Variants in MALRD1 observed in about 807,000 individuals in gnomAD.
The protein encoded by MALRD1 is MAM and LDL-receptor class A domain-containing protein 1.
In MALRD1, 247 loss-of-function variants were observed where a neutral mutation model predicts 242.1. The observed-to-expected ratio is 1.02, with a 90% CI of 0.92 to 1.13. The LOEUF is 1.13. Among genes scored for constraint, MALRD1 ranks in the 50% most tolerant of loss-of-function variants. The pLI is 0.00. For synonymous variants in MALRD1, 995 were observed against 866.6 expected (o/e 1.15, Z -2.60); for missense variants, 2,989 against 2,533.1 (o/e 1.18, Z -3.86).
At chr10:19,223,156 T>C (rs905177238) in intron 18 of MALRD1, among the ~76,000 whole-genome samples, 2 of 152,180 alleles carry the variant, frequency 1.3e-5, no homozygotes, top group African/African-American at 4.8e-5. Flanking sequence ...ATTAAAACGA[T>C]ATTTCTATGT....
intron 35 of MALRD1, among the ~76,000 whole-genome samples, chr10:19,609,937 A>G (rs976660388): frequency 6.6e-6 from 1 of 151,598 alleles, no homozygotes; most frequent in African/African-American, 2.4e-5. Flanking sequence ...TACATAATAA[A>G]TATTGATAAT....
chr10:19,585,224 C>T (rs949252931), intron 33 of MALRD1, among the ~76,000 whole-genome samples: 16 of 152,022 alleles, frequency 1.1e-4, no homozygotes, highest in Admixed American at 3.9e-4. Context: ...AGTCCATTTA[C>T]ATTTAAAGTT....
chr10:19,701,704 C>T lies in MALRD1; in HGVS notation c.6314+9150C>T, dbSNP rs1025604898. Among the ~76,000 whole-genome samples, 3 of 123,166 alleles carry T rather than the reference C, an allele frequency of 2.4e-5. No individual in the cohort carries two copies. The Admixed American group carries it at 2.5e-4, about 10-fold the overall frequency. 80.8% of individuals were successfully genotyped at this position (123,166 alleles called of 152,430 possible). On this transcript the variant is annotated intron_variant, in intron 38 of 39. Coordinates refer to ENST00000454679, the MANE Select transcript of MALRD1 (RefSeq NM_001142308.3). ...CTTTCCTCCCCTCCCCTTCCTCTTC[C>T]CCTCCCCTACCCTCCCCCTCCCTTT...
rs1164127916 is a variant in MALRD1 at position 19,175,312 on chromosome 10, C to T, written c.1935C>T (p.Thr645=). ...TTTCCTATAAATCACTACCAAGGAC[C>T]AGTACACAAAGCAAGTGTAAGTTTT... is the stretch of plus-strand genomic sequence containing the variant. ...CEISYKSLPR[T]STQSKFSKCD... The change falls in exon 14 of 40, where the codon ACC becomes ACT. Residue 645 remains threonine, a synonymous_variant. Coordinates refer to ENST00000454679, the MANE Select transcript of MALRD1 (RefSeq NM_001142308.3). 5 of 1,230,358 alleles carry T rather than the reference C, an allele frequency of 4.1e-6. No individual in the cohort carries two copies. Among genetic ancestry groups the T allele is most frequent in the South Asian group, 4.1e-5 (1 of 24,302 alleles). 76.2% of individuals were successfully genotyped at this position (1,230,358 alleles called of 1,614,324 possible).
chr10:19,354,713 T>A (rs1564588491), intron 26 of MALRD1, among the ~76,000 whole-genome samples: 1 of 152,106 alleles, frequency 6.6e-6, no homozygotes, highest in Non-Finnish European at 1.5e-5. Context: ...TAACAATAAT[T>A]TACTGTGTAT....
At chr10:19,605,206 G>A (rs1838550754) in intron 34 of MALRD1, among the ~76,000 whole-genome samples, 1 of 150,646 alleles carries the variant, frequency 6.6e-6, no homozygotes, top group South Asian at 2.1e-4. Flanking sequence ...CCTGGCTGGA[G>A]TGCAGTGGCA....
chr10:19,174,550 C>T (rs1835142555), intron 13 of MALRD1, among the ~76,000 whole-genome samples: 2 of 152,100 alleles, frequency 1.3e-5, no homozygotes. Flanking sequence ...CTTTCTCTCT[C>T]TCTCTCTCTC....
chr10:19,315,792 T>C (rs952015962), intron 21 of MALRD1, among the ~76,000 whole-genome samples: 8 of 143,546 alleles, frequency 5.6e-5, no homozygotes, highest in African/African-American at 2.0e-4. Flanking sequence ...TATTATATAA[T>C]TTATATAATT....
chr10:19,385,904 A>G (rs1846051787), intron 26 of MALRD1, among the ~76,000 whole-genome samples: 1 of 152,040 alleles, frequency 6.6e-6, no homozygotes. Flanking sequence ...GCATCTCACA[A>G]GTTTTGCTCT....
chr10:19,422,599 A>G (rs1358948589), intron 28 of MALRD1, among the ~76,000 whole-genome samples: 1 of 152,152 alleles, frequency 6.6e-6, no homozygotes, highest in Non-Finnish European at 1.5e-5. Flanking sequence ...TGAGAATTGC[A>G]TTTTTATACT....
At chr10:19,339,471 G>A (rs1843746135) in intron 24 of MALRD1, among the ~76,000 whole-genome samples, 1 of 151,880 alleles carries the variant, frequency 6.6e-6, no homozygotes, top group Non-Finnish European at 1.5e-5. Context: ...ACAATATCTT[G>A]GGCACCAGGT....
chr10:19,425,139 C>T (rs1291963443), intron 28 of MALRD1, among the ~76,000 whole-genome samples: 2 of 151,950 alleles, frequency 1.3e-5, no homozygotes, highest in African/African-American at 4.8e-5. Context: ...AGTGGCTTTC[C>T]AAGAGAGTGA....
intron 36 of MALRD1, among the ~76,000 whole-genome samples, chr10:19,656,118 A>G (rs1413739677): frequency 6.6e-6 from 1 of 152,116 alleles, no homozygotes; most frequent in East Asian, 1.9e-4. Flanking sequence ...ATGATTTATA[A>G]TTATTTCAGT....
chr10:19,561,423 G>T (rs117510040), intron 32 of MALRD1, among the ~76,000 whole-genome samples: 4 of 152,156 alleles, frequency 2.6e-5, no homozygotes, highest in Admixed American at 2.6e-4. Context: ...AGGAATCTTG[G>T]CATCTTTAAC....
chr10:19,152,544 C>T (rs1400245344), intron 11 of MALRD1, among the ~76,000 whole-genome samples: 1 of 151,612 alleles, frequency 6.6e-6, no homozygotes, highest in Non-Finnish European at 1.5e-5. Context: ...AAATCATGTC[C>T]CTTTTCTGTT....
chr10:19,178,088 A>T (rs1279859800), intron 14 of MALRD1, among the ~76,000 whole-genome samples: 2 of 152,122 alleles, frequency 1.3e-5, no homozygotes, highest in Admixed American at 6.5e-5. Flanking sequence ...ATCATTACTA[A>T]AGTTAACCTT....
In MALRD1 at chr10:19,700,025, CA is replaced by C. The variant is rs879927776; in HGVS notation, c.6314+7472del. Among the ~76,000 whole-genome samples the C allele has an allele frequency of 5.3e-3, 684 of 128,182 alleles. 2 individuals carry two copies. The highest frequency in any genetic ancestry group is 8.9e-3 in the Non-Finnish European group (542 of 60,772). The allele number at this position is 128,182 out of a possible 152,430, so 84.1% of individuals were successfully genotyped here. ...GTCCCAAGTGAAATTGATTTAGACA[CA>C]CACACACACACACACACACACACAC... On this transcript the variant is annotated intron_variant, in intron 38 of 39. Coordinates refer to ENST00000454679, the MANE Select transcript of MALRD1 (RefSeq NM_001142308.3).
rs1210428420 is a variant in MALRD1, at chr10:19,734,143, T to C, written c.6391-14T>C. ...CTAAAATTCCACCCTTTCAAATGTG[T>C]TTTTCTTCGTCAGAGTTCTGTCTAT... On this transcript the variant is annotated splice_polypyrimidine_tract_variant and intron_variant, in intron 39 of 39. Transcript: ENST00000454679. 1.3e-6 allele frequency: 2 copies of C among 1,527,012 alleles called. No individual in the cohort carries two copies. Among genetic ancestry groups the C allele is most frequent in the Non-Finnish European group, 1.8e-6 (2 of 1,142,520 alleles). The allele number at this position is 1,527,012 out of a possible 1,614,324, so 94.6% of individuals were successfully genotyped here. A position where few individuals can be genotyped will look rare whatever the true frequency, so the allele number is the denominator to read the frequency against.
chr10:19,323,134 A>G (rs1177788668), intron 21 of MALRD1, among the ~76,000 whole-genome samples: 1 of 152,192 alleles, frequency 6.6e-6, no homozygotes, highest in Non-Finnish European at 1.5e-5. Flanking sequence ...ATACAAGGTT[A>G]CTAAAATGTG....
Sources: gnomAD v4.1 joint callset for allele counts (sites outside exome capture counted in the v4.1 genomes callset) on GRCh38, gnomAD v4.1.1 for gene constraint, MANE v1.5 for transcripts, NCBI Gene and HGNC (gene_info 2026-07-23, HGNC 2026-07-21) for gene names.